The following CNTN6 variants were observed in gnomAD, a reference collection of about 807,000 sequenced individuals.
CNTN6 encodes contactin-6.
In CNTN6, 137 loss-of-function variants were observed where a neutral mutation model predicts 122.8. The observed-to-expected ratio is 1.12, with a 90% CI of 0.97 to 1.29. The LOEUF is 1.29. CNTN6 is among the 50% of genes most tolerant of loss of function. The pLI is 0.00. For synonymous variants in CNTN6, 570 were observed against 426.0 expected (o/e 1.34, Z -4.16); for missense variants, 1,634 against 1,223.4 (o/e 1.34, Z -5.01).
At chr3:1,128,342 A>T (rs1441928669) in intron 1 of CNTN6, 2 of 151,960 alleles carry the variant, frequency 1.3e-5, no homozygotes, top group African/African-American at 4.8e-5. Context: ...GAGGGAGTGA[A>T]GCCTCATCCC....
At chr3:1,372,593 G>C (rs563430438) in intron 13 of CNTN6, 119 bp downstream of exon 13, 182 of 899,552 alleles carry the variant, frequency 2.0e-4, no homozygotes, top group Admixed American at 7.5e-4. Flanking sequence ...GACTGTTTTT[G>C]AAGCTACATT....
chr3:1,343,287 C>A (rs1704162452), intron 11 of CNTN6, among the ~76,000 whole-genome samples: 1 of 152,094 alleles, frequency 6.6e-6, no homozygotes, highest in South Asian at 2.1e-4. Flanking sequence ...TCAAAAGTTA[C>A]AGGTGGAATT....
At chr3:1,323,182 TAAG>T (rs1385675710) in intron 8 of CNTN6, among the ~76,000 whole-genome samples, 2 of 151,750 alleles carry the variant, frequency 1.3e-5, no homozygotes, top group African/African-American at 2.4e-5. Flanking sequence ...TTCTTAATCT[TAAG>T]AAGTAGAAAT....
At chr3:1,175,106 C>T (rs781444113) in intron 2 of CNTN6, among the ~76,000 whole-genome samples, 4 of 151,304 alleles carry the variant, frequency 2.6e-5, no homozygotes, top group Admixed American at 1.3e-4. Context: ...TGGTGGTGTG[C>T]CTGTAGTCAC....
chr3:1,182,226 A>G (rs992913966), intron 2 of CNTN6, among the ~76,000 whole-genome samples: 2 of 152,164 alleles, frequency 1.3e-5, no homozygotes, highest in Non-Finnish European at 2.9e-5. Context: ...GAAAAATAAA[A>G]CTAGCTCAAC....
Position 1,278,443 on chromosome 3 carries a change from G to T in CNTN6, c.389G>T (p.Ser130Ile). 2 of 1,610,850 alleles carry T rather than the reference G, an allele frequency of 1.2e-6. No individual in the cohort carries two copies. Among genetic ancestry groups the T allele is most frequent in the Non-Finnish European group, 1.7e-6 (2 of 1,177,762 alleles). ...YIEDFETKTR[S>I]TVSVREGQGV... is the part of the protein sequence containing the mutation. Reference sequence around the variant, plus strand: ...GAAGACTTTGAAACTAAAACAAGAAGCACAGTATCTGTCCGAGAAGGTCAA... The same window carrying T: ...GAAGACTTTGAAACTAAAACAAGAATCACAGTATCTGTCCGAGAAGGTCAA... The change falls in exon 5 of 23, where the codon AGC becomes ATC. Residue 130 changes from serine to isoleucine, a missense_variant. Ser to Ile is a moderately radical substitution (Grantham distance 142). Transcript: ENST00000446702.
intron 20 of CNTN6, among the ~76,000 whole-genome samples, chr3:1,393,193 A>G (rs1194750412): frequency 6.3e-5 from 6 of 95,114 alleles, no homozygotes; most frequent in South Asian, 4.8e-4. Context: ...TTAAGAAAAT[A>G]TGGCACATAT....
intron 2 of CNTN6, among the ~76,000 whole-genome samples, chr3:1,169,626 T>C (rs1468273217): frequency 6.6e-6 from 1 of 152,230 alleles, no homozygotes; most frequent in Non-Finnish European, 1.5e-5. Flanking sequence ...GCATATTTTA[T>C]TTCCTCCTTT....
At chr3:1,234,847 T>G (rs1343523189) in intron 4 of CNTN6, among the ~76,000 whole-genome samples, 1 of 152,196 alleles carries the variant, frequency 6.6e-6, no homozygotes, top group Non-Finnish European at 1.5e-5. Flanking sequence ...TCAATTTGTC[T>G]TAATGAAATA....
chr3:1,131,093 G>T (rs970998589), intron 1 of CNTN6, among the ~76,000 whole-genome samples: 2 of 152,084 alleles, frequency 1.3e-5, no homozygotes, highest in African/African-American at 2.4e-5. Flanking sequence ...TGCTGCTAAG[G>T]TCTGCTCTGA....
At position 1,383,414 on chromosome 3, in the gene CNTN6, C is replaced by A. The variant is rs764339030; in HGVS notation, c.2517+6C>A. 2 of 1,607,418 alleles carry A rather than the reference C, an allele frequency of 1.2e-6. No individual in the cohort carries two copies. Among genetic ancestry groups the A allele is most frequent in the South Asian group, 2.2e-5 (2 of 90,870 alleles). On this transcript the variant is annotated splice_donor_region_variant and intron_variant, in intron 19 of 22. Coordinates refer to ENST00000446702, the MANE Select transcript of CNTN6 (RefSeq NM_001289080.2). ...GAAGAGTGCTGGGCTATGAGGTAAT[C>A]CACATTAATTTCACTTTTGCTTATG...
At chr3:1,303,313 T>C (rs1037405546) in intron 7 of CNTN6, among the ~76,000 whole-genome samples, 1 of 152,174 alleles carries the variant, frequency 6.6e-6, no homozygotes, top group Non-Finnish European at 1.5e-5. Flanking sequence ...CTTCAGACTG[T>C]TTTTTAGCAG....
At chr3:1,304,785 A>G (rs1045507969) in intron 7 of CNTN6, among the ~76,000 whole-genome samples, 1 of 151,976 alleles carries the variant, frequency 6.6e-6, no homozygotes, top group Non-Finnish European at 1.5e-5. Context: ...CGAGGTCAGG[A>G]GTTCAAGACC....
chr3:1,203,244 T>C (rs1157128416), intron 2 of CNTN6, among the ~76,000 whole-genome samples: 2 of 151,952 alleles, frequency 1.3e-5, no homozygotes, highest in Non-Finnish European at 2.9e-5. Flanking sequence ...AAAACAAAAA[T>C]ACCTGCCCCC....
At chr3:1,358,813 G>A (rs1707019633) in intron 12 of CNTN6, among the ~76,000 whole-genome samples, 1 of 152,036 alleles carries the variant, frequency 6.6e-6, no homozygotes, top group Admixed American at 6.6e-5. Flanking sequence ...GCTCATGCCT[G>A]TAATCCCAGC....
At chr3:1,345,996 T>C (rs180745966) in intron 11 of CNTN6, among the ~76,000 whole-genome samples, 2,763 of 151,964 alleles carry the variant, frequency 0.018, 94 homozygotes, top group African/African-American at 0.063. Flanking sequence ...TTTTTTTTTT[T>C]AGTTTAAGAA....
At chr3:1,124,148 AG>A (rs2092069224) in intron 1 of CNTN6, among the ~76,000 whole-genome samples, 1 of 151,894 alleles carries the variant, frequency 6.6e-6, no homozygotes, top group Non-Finnish European at 1.5e-5. Flanking sequence ...TAACTGGAGG[AG>A]GGTGCTACTG....
intron 2 of CNTN6, among the ~76,000 whole-genome samples, chr3:1,167,962 A>G (rs1020978479): frequency 7.9e-5 from 12 of 152,166 alleles, no homozygotes; most frequent in African/African-American, 2.9e-4. Context: ...CTCAGGCTGG[A>G]GTGCAGTGGC....
intron 1 of CNTN6, among the ~76,000 whole-genome samples, chr3:1,097,850 G>A (rs1036396701): frequency 4.6e-5 from 7 of 151,892 alleles, no homozygotes; most frequent in Admixed American, 1.3e-4. Flanking sequence ...GATCAATTGG[G>A]TAAAAATAAT....
Sources: gnomAD v4.1 joint callset for allele counts (sites outside exome capture counted in the v4.1 genomes callset) on GRCh38, gnomAD v4.1.1 for gene constraint, MANE v1.5 for transcripts, NCBI Gene and HGNC (gene_info 2026-07-23, HGNC 2026-07-21) for gene names.